POP1: variants seen among roughly 807,000 people sequenced by gnomAD.
POP1 encodes POP1 ribonuclease P/MRP subunit, also known as ribonucleases P/MRP protein subunit POP1.
Under a neutral mutation model 102.2 loss-of-function variants are expected in POP1, and 75 were observed. That is an observed-to-expected ratio of 0.73 (90% confidence interval 0.61 to 0.89). The LOEUF (loss-of-function observed/expected upper bound fraction) is 0.89. Among genes scored for constraint, POP1 ranks in the 40% least tolerant of loss-of-function variants. POP1 has a pLI of 0.00. For synonymous variants in POP1, 436 were observed against 464.1 expected (o/e 0.94, Z 0.78); for missense variants, 1,116 against 1,267.4 (o/e 0.88, Z 1.81).
chr8:98,138,413 A>T (rs1053614939), intron 9 of POP1, among the ~76,000 whole-genome samples: 5 of 152,098 alleles, frequency 3.3e-5, no homozygotes, highest in South Asian at 4.2e-4. Flanking sequence ...TTTTCCTTCC[A>T]ACTACTGAGC....
Position 98,157,871 on chromosome 8 carries a change from A to T in POP1, c.2675A>T (p.Tyr892Phe). 4 of 1,614,140 alleles carry T rather than the reference A, an allele frequency of 2.5e-6. 1 individual carries two copies. In the South Asian group the frequency reaches 4.4e-5, roughly 18 times the overall value. The part of the protein sequence containing the change: ...DFLQLHEDWH[Y>F]CGPQESKHSD... ...CTCCAGCTCCATGAGGACTGGCATT[A>T]CTGTGGGCCCCAGGAATCCAAACAC... is the stretch of plus-strand genomic sequence containing the variant. Residue 892 changes from tyrosine (Y) to phenylalanine (F), a missense_variant, in exon 16 of 16, where the codon TAC (tyrosine) becomes TTC (phenylalanine). Physicochemically the swap from Tyr to Phe is conservative, Grantham distance 22. Coordinates refer to ENST00000401707, the MANE Select transcript of POP1 (RefSeq NM_001145860.2).
chr8:98,131,854 T>C (rs1256858890), intron 5 of POP1, among the ~76,000 whole-genome samples: 1 of 152,198 alleles, frequency 6.6e-6, no homozygotes. Context: ...AGTCTTTGAT[T>C]TGAGAACTCA....
At chr8:98,136,163 C>A (rs1816534390) in intron 7 of POP1, among the ~76,000 whole-genome samples, 2 of 151,938 alleles carry the variant, frequency 1.3e-5, no homozygotes. Flanking sequence ...TCACTGCAAC[C>A]TCTGCCTCCC....
intron 2 of POP1, among the ~76,000 whole-genome samples, chr8:98,124,540 G>A (rs1423917683): frequency 1.3e-5 from 2 of 151,548 alleles, no homozygotes; most frequent in African/African-American, 4.9e-5. Context: ...CAGCCTGGGT[G>A]ACAGTGAGAC....
intron 1 of POP1, among the ~76,000 whole-genome samples, chr8:98,121,512 G>GTTTTT (rs34259075): frequency 2.5e-5 from 3 of 119,688 alleles, no homozygotes; most frequent in Admixed American, 9.3e-5. Flanking sequence ...GGTTACACGG[G>GTTTTT]TTTTTTTTTT....
chr8:98,120,543 C>T (rs1815980712), intron 1 of POP1, among the ~76,000 whole-genome samples: 1 of 152,196 alleles, frequency 6.6e-6, no homozygotes, highest in African/African-American at 2.4e-5. Context: ...GTGATCTCGG[C>T]TCACCACAAT....
At chr8:98,119,329 C>T (rs528513885) in intron 1 of POP1, among the ~76,000 whole-genome samples, 1 of 152,268 alleles carries the variant, frequency 6.6e-6, no homozygotes, top group South Asian at 2.1e-4. Flanking sequence ...AAGTCTGAAT[C>T]ACCAACTTTT....
intron 14 of POP1, among the ~76,000 whole-genome samples, chr8:98,151,652 T>A (rs1271084793): frequency 2.6e-5 from 4 of 152,134 alleles, no homozygotes; most frequent in Non-Finnish European, 5.9e-5. Flanking sequence ...TTGTAGTTCC[T>A]TGATGGTGAG....
At chr8:98,156,503 T>G in intron 15 of POP1, 91 bp downstream of exon 15, 1 of 1,521,432 alleles carries the variant, frequency 6.6e-7, no homozygotes, top group Non-Finnish European at 9.0e-7. Flanking sequence ...TGTTTGTTTA[T>G]GCAAAATCCA....
intron 1 of POP1, among the ~76,000 whole-genome samples, chr8:98,118,119 G>A (rs1383362520): frequency 6.6e-6 from 1 of 151,954 alleles, no homozygotes; most frequent in East Asian, 1.9e-4. Context: ...CTCTCATTTT[G>A]TCCTACATAC....
At position 98,134,026 on chromosome 8, in the gene POP1, C is replaced by T. The variant is rs1816459105; in HGVS notation, c.813C>T (p.Asn271=). The T allele has an allele frequency of 1.9e-6, 3 of 1,607,332 alleles. No individual in the cohort carries two copies. Among genetic ancestry groups the T allele is most frequent in the Non-Finnish European group, 1.7e-6 (2 of 1,173,952 alleles). Residue 271 remains asparagine (N), a synonymous_variant, in exon 6 of 16, where the codon AAC becomes AAT. Transcript: ENST00000401707. ...EILKALSGMC[N]IDTGLTFAAV... ...TAAAGGCGCTTTCTGGAATGTGTAA[C>T]ATAGACACAGGTAAACTTGTTTTAA...
At chr8:98,149,763 A>ATAAATAAATAAAATAAATAAG (rs1809471432) in intron 13 of POP1, among the ~76,000 whole-genome samples, 1 of 150,796 alleles carries the variant, frequency 6.6e-6, no homozygotes, top group African/African-American at 2.4e-5. Context: ...CTCAAAATAA[A>ATAAATAAATAAAATAAATAAG]TAAATAAATA....
chr8:98,128,443 T>C lies in POP1; in HGVS notation c.389T>C (p.Leu130Pro). 1 of 1,614,150 alleles carries C rather than the reference T, an allele frequency of 6.2e-7. No homozygotes were observed. Among genetic ancestry groups the C allele is most frequent in the Admixed American group, 1.7e-5 (1 of 60,018 alleles). The change falls in exon 4 of 16, where the codon CTG (leucine) becomes CCG (proline). Residue 130 changes from leucine to proline, a missense_variant. Coordinates refer to ENST00000401707, the MANE Select transcript of POP1 (RefSeq NM_001145860.2). ...KAVTQKSSNS[L>P]VFQTLPRHMR... ...GTGACCCAGAAGTCTTCGAATTCAC[T>C]GGTTTTTCAGACTCTGCCACGGCAC...
In POP1 at chr8:98,134,027, A is replaced by T. The variant is rs200526848; in HGVS notation, c.814A>T (p.Ile272Leu). The change falls in exon 6 of 16, where the codon ATA (isoleucine) becomes TTA (leucine). Residue 272 changes from isoleucine (I) to leucine (L), a missense_variant. Transcript: ENST00000401707. ...AAAGGCGCTTTCTGGAATGTGTAACATAGACACAGGTAAACTTGTTTTAAA... is the reference window on the plus strand; with the variant it reads ...AAAGGCGCTTTCTGGAATGTGTAACTTAGACACAGGTAAACTTGTTTTAAA... ...ILKALSGMCN[I>L]DTGLTFAAVH... The T allele has an allele frequency of 1.2e-6, 2 of 1,607,640 alleles. No individual in the cohort carries two copies. The highest frequency in any genetic ancestry group is 2.7e-5 in the African/African-American group (2 of 74,900).
intron 11 of POP1, among the ~76,000 whole-genome samples, chr8:98,142,843 A>G (rs981210847): frequency 3.9e-5 from 6 of 152,358 alleles, no homozygotes; most frequent in African/African-American, 1.2e-4. Flanking sequence ...CTTTGAGAGC[A>G]CTGATCTGCA....
intron 2 of POP1, among the ~76,000 whole-genome samples, chr8:98,126,260 T>C (rs16896652): frequency 0.051 from 7,724 of 152,038 alleles, 696 homozygotes; most frequent in African/African-American, 0.17. Context: ...ATTAAGGGAG[T>C]GTCGTTTGGG....
chr8:98,136,161 A>G (rs1325697384), intron 7 of POP1, among the ~76,000 whole-genome samples: 1 of 151,746 alleles, frequency 6.6e-6, no homozygotes, highest in Non-Finnish European at 1.5e-5. Context: ...GCTCACTGCA[A>G]CCTCTGCCTC....
At chr8:98,138,398 C>A (rs1174018078) in intron 9 of POP1, among the ~76,000 whole-genome samples, 1 of 152,106 alleles carries the variant, frequency 6.6e-6, no homozygotes, top group African/African-American at 2.4e-5. Flanking sequence ...GCCTTTGCAC[C>A]TGTTTTTTCC....
Position 98,152,279 on chromosome 8 carries a change from T to A in POP1, c.2057+1640T>A, listed in dbSNP as rs188983305. On this transcript the variant is annotated intron_variant, in intron 14 of 15. Transcript: ENST00000401707. Reference sequence around the variant, plus strand: ...TTTTCCATAGATATACATATTTTTTTAAAGAATGGTATTACATACATTATT... The same window carrying A: ...TTTTCCATAGATATACATATTTTTTAAAAGAATGGTATTACATACATTATT... 3.9e-5 allele frequency among the ~76,000 whole-genome samples: 6 copies of A among 152,356 alleles called. No homozygotes were observed. The East Asian group carries it at 1.2e-3, about 29-fold the overall frequency.
Sources: gnomAD v4.1 joint callset for allele counts (sites outside exome capture counted in the v4.1 genomes callset) on GRCh38, gnomAD v4.1.1 for gene constraint, MANE v1.5 for transcripts, NCBI Gene and HGNC (gene_info 2026-07-23, HGNC 2026-07-21) for gene names.